The following AMOTL1 variants were observed in gnomAD, a reference collection of about 807,000 sequenced individuals.
The protein encoded by AMOTL1 is angiomotin-like protein 1.
A neutral mutation model predicts 102.9 loss-of-function variants in AMOTL1; 45 were observed. The ratio of observed to expected loss-of-function variants is 0.44; its 90% CI spans 0.34 to 0.56. The LOEUF is 0.56. Among genes scored for constraint, AMOTL1 ranks in the 20% least tolerant of loss-of-function variants. The pLI, the probability that AMOTL1 is intolerant of heterozygous loss-of-function variation, is 0.01. For synonymous variants in AMOTL1, 481 were observed against 484.7 expected (o/e 0.99, Z 0.10); for missense variants, 1,114 against 1,225.6 (o/e 0.91, Z 1.36).
intron 1 of AMOTL1, among the ~76,000 whole-genome samples, chr11:94,772,672 T>G (rs1312026602): frequency 6.6e-6 from 1 of 152,206 alleles, no homozygotes; most frequent in Non-Finnish European, 1.5e-5. Flanking sequence ...TTTATGAACA[T>G]TTATATATAG....
chr11:94,806,053 T>C (rs1456229117), intron 3 of AMOTL1, among the ~76,000 whole-genome samples: 13 of 152,246 alleles, frequency 8.5e-5, no homozygotes, highest in Non-Finnish European at 1.6e-4. Flanking sequence ...GAAAACCTGA[T>C]TTCTTTTCAT....
intron 3 of AMOTL1, among the ~76,000 whole-genome samples, chr11:94,801,411 A>G (rs1031056331): frequency 2.0e-5 from 3 of 152,142 alleles, no homozygotes; most frequent in Non-Finnish European, 4.4e-5. Context: ...AGGGAAGTTG[A>G]TGATGACGGT....
chr11:94,810,565 C>G (rs1951660044), intron 3 of AMOTL1, among the ~76,000 whole-genome samples: 1 of 150,548 alleles, frequency 6.6e-6, no homozygotes, highest in South Asian at 2.1e-4. Context: ...AGTTTAAGAT[C>G]TGAGACAAAC....
chr11:94,843,559 C>T (rs976454384), intron 6 of AMOTL1, among the ~76,000 whole-genome samples: 3 of 152,192 alleles, frequency 2.0e-5, no homozygotes, highest in Admixed American at 2.0e-4. Flanking sequence ...AAATCTGACC[C>T]TTCAATTACC....
At chr11:94,744,892 T>A (rs1055726744) in intron 3 of AMOTL1, among the ~76,000 whole-genome samples, 4 of 152,208 alleles carry the variant, frequency 2.6e-5, no homozygotes, top group African/African-American at 9.6e-5. Context: ...ATATCTATGA[T>A]ATTAAAATGT....
intron 8 of AMOTL1, among the ~76,000 whole-genome samples, 172 bp downstream of exon 8, chr11:94,854,254 C>G (rs114030787): frequency 2.8e-3 from 420 of 152,278 alleles, no homozygotes; most frequent in African/African-American, 9.6e-3. Flanking sequence ...GCGAGCAGTC[C>G]GCTCACTGGA....
intron 1 of AMOTL1, among the ~76,000 whole-genome samples, chr11:94,769,503 G>A (rs989090555): frequency 6.6e-6 from 1 of 152,136 alleles, no homozygotes; most frequent in Non-Finnish European, 1.5e-5. Context: ...GAGAATCCCG[G>A]GTATCTGCGC....
intron 3 of AMOTL1, among the ~76,000 whole-genome samples, chr11:94,759,695 C>T (rs1950768711): frequency 6.6e-6 from 1 of 152,052 alleles, no homozygotes; most frequent in Non-Finnish European, 1.5e-5. Context: ...GCCTCCAGTC[C>T]ACATGGGTAA....
chr11:94,838,861 T>A (rs1952236023), intron 6 of AMOTL1, among the ~76,000 whole-genome samples: 1 of 152,154 alleles, frequency 6.6e-6, no homozygotes, highest in Admixed American at 6.5e-5. Context: ...CAGTGAGGAT[T>A]CACAATTAGC....
chr11:94,730,763 T>C (rs1397777152), intron 2 of AMOTL1, among the ~76,000 whole-genome samples: 1 of 152,210 alleles, frequency 6.6e-6, no homozygotes, highest in Non-Finnish European at 1.5e-5. Context: ...TGTGGGAACC[T>C]ATCTGATTAT....
intron 4 of AMOTL1, among the ~76,000 whole-genome samples, chr11:94,825,270 C>T (rs766480617): frequency 1.3e-5 from 2 of 152,126 alleles, no homozygotes; most frequent in Non-Finnish European, 2.9e-5. Flanking sequence ...TAGTGAAGAC[C>T]CTCTTTTGTG....
intron 1 of AMOTL1, among the ~76,000 whole-genome samples, chr11:94,710,379 C>T (rs573338857): frequency 3.3e-5 from 5 of 152,296 alleles, no homozygotes; most frequent in East Asian, 3.9e-4. Context: ...AGGACTCTGA[C>T]ATTTTCTAGT....
At chr11:94,714,034 G>C (rs973472398) in intron 1 of AMOTL1, among the ~76,000 whole-genome samples, 1 of 151,924 alleles carries the variant, frequency 6.6e-6, no homozygotes, top group African/African-American at 2.4e-5. Flanking sequence ...TTTTGTAGAG[G>C]TTCTTGATCA....
At chr11:94,774,924 T>C (rs981821039) in intron 1 of AMOTL1, among the ~76,000 whole-genome samples, 5 of 152,230 alleles carry the variant, frequency 3.3e-5, no homozygotes, top group African/African-American at 1.2e-4. Flanking sequence ...TCTTCTTTTG[T>C]GCCTCACTTT....
At chr11:94,768,596 C>T in intron 1 of AMOTL1, 36 bp downstream of exon 1, 9 of 1,570,346 alleles carry the variant, frequency 5.7e-6, no homozygotes, top group Non-Finnish European at 7.8e-6. Flanking sequence ...GGGAGGGCGT[C>T]TCCGAGTCTC....
At chr11:94,713,166 T>C (rs1026117490) in intron 1 of AMOTL1, among the ~76,000 whole-genome samples, 1 of 151,958 alleles carries the variant, frequency 6.6e-6, no homozygotes, top group Non-Finnish European at 1.5e-5. Context: ...CAACTGGGCA[T>C]ATTTGTATAA....
At chr11:94,741,227 TGTGCGTGTGTGTGTGTGTGA>T (rs1950521960) in intron 3 of AMOTL1, among the ~76,000 whole-genome samples, 1 of 151,380 alleles carries the variant, frequency 6.6e-6, no homozygotes, top group South Asian at 2.1e-4. Context: ...TGTGCGTGCG[TGTGCGTGTGTGTGTGTGTGA>T]GTGCGTGTGT....
At chr11:94,817,880 T>C (rs1163275857) in intron 3 of AMOTL1, among the ~76,000 whole-genome samples, 2 of 152,168 alleles carry the variant, frequency 1.3e-5, no homozygotes, top group African/African-American at 2.4e-5. Context: ...AATAATCTTT[T>C]TTATGACTTT....
At chr11:94,765,369 T>C (rs1317759909), upstream of AMOTL1, among the ~76,000 whole-genome samples, 1 of 152,212 alleles carries the variant, frequency 6.6e-6, no homozygotes, top group African/African-American at 2.4e-5. Context: ...GTGTGCTTAC[T>C]GAAAGATGTT....
Sources: gnomAD v4.1 joint callset for allele counts (sites outside exome capture counted in the v4.1 genomes callset) on GRCh38, gnomAD v4.1.1 for gene constraint, MANE v1.5 for transcripts, NCBI Gene and HGNC (gene_info 2026-07-23, HGNC 2026-07-21) for gene names.